Variants in EYS observed in about 807,000 individuals in gnomAD.
The protein encoded by EYS is EGF-like photoreceptor maintenance factor, also known as protein eyes shut homolog.
A neutral mutation model predicts 282.1 loss-of-function variants in EYS; 250 were observed. The observed-to-expected ratio is 0.89, with a 90% confidence interval of 0.80 to 0.98. EYS has a LOEUF of 0.98. EYS is among the 50% of genes least tolerant of loss of function. The probability of loss-of-function intolerance (pLI) is 0.00; values close to 1 mark genes in which losing one functional copy is unlikely to be tolerated. For missense variants in EYS, 4,016 were observed against 3,709.0 expected, an observed-to-expected ratio of 1.08 and a Z score of -2.15; for synonymous variants, 1,355 against 1,282.9, an observed-to-expected ratio of 1.06 and a Z score of -1.20.
intron 30 of EYS, among the ~76,000 whole-genome samples, chr6:64,262,594 T>A (rs917031631): frequency 2.8e-4 from 43 of 151,990 alleles, no homozygotes; most frequent in Admixed American, 2.8e-3. Flanking sequence ...AAACATTCCC[T>A]CCCACTCAAC....
At chr6:65,021,571 T>TTTC (rs1282312414) in intron 13 of EYS, among the ~76,000 whole-genome samples, 2 of 152,212 alleles carry the variant, frequency 1.3e-5, no homozygotes, top group African/African-American at 4.8e-5. Context: ...GTTCCCACAT[T>TTTC]TTTCTGTCTT....
intron 5 of EYS, among the ~76,000 whole-genome samples, chr6:65,416,484 G>C (rs112173961): frequency 0.068 from 10,263 of 151,762 alleles, 489 homozygotes; most frequent in African/African-American, 0.13. Context: ...AAGCAGCAAC[G>C]CTATTAAAAT....
chr6:64,754,478 TG>T (rs1772867930), intron 22 of EYS, among the ~76,000 whole-genome samples: 1 of 152,132 alleles, frequency 6.6e-6, no homozygotes, highest in South Asian at 2.1e-4. Flanking sequence ...TCCTCCTAAC[TG>T]GTACTATGAA....
At chr6:64,136,529 T>A (rs189686514) in intron 31 of EYS, among the ~76,000 whole-genome samples, 2,940 of 152,230 alleles carry the variant, frequency 0.019, 79 homozygotes, top group African/African-American at 0.066. Context: ...TTTCTTAAAA[T>A]ATAAGACTTG....
At chr6:64,036,972 T>C (rs1392474941) in intron 33 of EYS, among the ~76,000 whole-genome samples, 1 of 152,088 alleles carries the variant, frequency 6.6e-6, no homozygotes, top group Non-Finnish European at 1.5e-5. Flanking sequence ...GAAGAGAATA[T>C]TTGGAGTGTG....
chr6:63,755,241 T>C (rs1221066451), intron 41 of EYS, among the ~76,000 whole-genome samples: 6 of 152,186 alleles, frequency 3.9e-5, no homozygotes, highest in Non-Finnish European at 7.3e-5. Context: ...TTGCTTTTGG[T>C]GTTTTAGTTA....
intron 12 of EYS, among the ~76,000 whole-genome samples, chr6:65,074,895 G>T (rs896394581): frequency 6.6e-6 from 1 of 151,948 alleles, no homozygotes; most frequent in African/African-American, 2.4e-5. Context: ...CAGAAGAAAC[G>T]TTCACATAAG....
At chr6:63,926,520 G>A (rs1184794714) in intron 35 of EYS, among the ~76,000 whole-genome samples, 4 of 152,132 alleles carry the variant, frequency 2.6e-5, no homozygotes, top group East Asian at 1.9e-4. Context: ...CCTAATGGCA[G>A]GTTACTCTTT....
chr6:64,808,679 G>A lies in EYS; in HGVS notation c.3443+4699C>T, dbSNP rs115465240. On this transcript the variant is annotated intron_variant, in intron 22 of 42. Transcript: ENST00000503581. The stretch of plus-strand genomic sequence containing the variant: ...ACAACTCTTCTGTGTTGATATCTGT[G>A]CTAACTACCACAGCAAATTTATCCT... Among the ~76,000 whole-genome samples the A allele has an allele frequency of 2.2e-3, 340 of 151,416 alleles. 6 individuals are homozygous for A. The highest frequency in any genetic ancestry group is 7.7e-3 in the African/African-American group (318 of 41,262).
chr6:65,429,018 T>C (rs1767772412), intron 5 of EYS, among the ~76,000 whole-genome samples: 1 of 151,728 alleles, frequency 6.6e-6, no homozygotes, highest in Non-Finnish European at 1.5e-5. Context: ...CACTCTCTAC[T>C]AAAAATACAA....
chr6:63,758,458 T>G (rs1352184663), intron 41 of EYS, among the ~76,000 whole-genome samples: 1 of 152,058 alleles, frequency 6.6e-6, no homozygotes, highest in Non-Finnish European at 1.5e-5. Context: ...CTTTTTTTCT[T>G]TCTCTGTAGG....
At chr6:64,854,875 T>A (rs948646677) in intron 19 of EYS, among the ~76,000 whole-genome samples, 2 of 152,236 alleles carry the variant, frequency 1.3e-5, no homozygotes, top group Admixed American at 6.5e-5. Flanking sequence ...ATTAATTTGT[T>A]GTGAAGTGAT....
intron 40 of EYS, among the ~76,000 whole-genome samples, chr6:63,770,227 G>C (rs1769896190): frequency 6.6e-6 from 1 of 152,074 alleles, no homozygotes; most frequent in African/African-American, 2.4e-5. Flanking sequence ...TCAGATTGCA[G>C]ATGAGAAGCT....
chr6:63,984,654 T>C, intron 34 of EYS, 51 bp from the exon 35 acceptor site: 1 of 1,304,452 alleles, frequency 7.7e-7, no homozygotes, highest in Non-Finnish European at 1.1e-6. Context: ...TCAGATTATG[T>C]GGAAAAGATG....
At chr6:64,397,816 C>T (rs936603808) in intron 28 of EYS, among the ~76,000 whole-genome samples, 2 of 151,816 alleles carry the variant, frequency 1.3e-5, no homozygotes, top group Non-Finnish European at 2.9e-5. Context: ...TTTATTTACT[C>T]TTTTGTTTCT....
At chr6:65,438,354 T>A (rs1216949161) in intron 5 of EYS, among the ~76,000 whole-genome samples, 1 of 152,122 alleles carries the variant, frequency 6.6e-6, no homozygotes, top group Non-Finnish European at 1.5e-5. Flanking sequence ...TGATTTATAA[T>A]CCTTTGGGTA....
At position 64,786,478 on chromosome 6, in the gene EYS, G is replaced by A. The variant is rs141361136; in HGVS notation, c.3443+26900C>T. Reference sequence around the variant, plus strand: ...CACCCTAGTCTTTTAATATGCAAATGCAGGGCACCATGATGTTCTACACAC... The same window carrying A: ...CACCCTAGTCTTTTAATATGCAAATACAGGGCACCATGATGTTCTACACAC... On this transcript the variant is annotated intron_variant, in intron 22 of 42. Transcript: ENST00000503581. Among the ~76,000 whole-genome samples, 276 of 151,966 alleles carry A rather than the reference G, an allele frequency of 1.8e-3. 1 individual carries two copies. Among genetic ancestry groups the A allele is most frequent in the African/African-American group, 6.3e-3 (260 of 41,448 alleles).
intron 26 of EYS, among the ~76,000 whole-genome samples, chr6:64,583,945 T>A (rs1435864535): frequency 6.6e-6 from 1 of 152,144 alleles, no homozygotes; most frequent in African/African-American, 2.4e-5. Context: ...ATAAAATATA[T>A]CTCTGTGTTC....
intron 28 of EYS, among the ~76,000 whole-genome samples, chr6:64,409,675 G>T (rs1426863871): frequency 6.6e-6 from 1 of 152,090 alleles, no homozygotes; most frequent in African/African-American, 2.4e-5. Flanking sequence ...GGGCGCATTG[G>T]CTTGTTTCAG....
Sources: gnomAD v4.1 joint callset for allele counts (sites outside exome capture counted in the v4.1 genomes callset) on GRCh38, gnomAD v4.1.1 for gene constraint, MANE v1.5 for transcripts, NCBI Gene and HGNC (gene_info 2026-07-23, HGNC 2026-07-21) for gene names.